WDR72: variants seen among roughly 807,000 people sequenced by gnomAD.
The protein encoded by WDR72 is WD repeat-containing protein 72.
Under a neutral mutation model 124.2 loss-of-function variants are expected in WDR72, and 120 were observed. That is an observed-to-expected ratio of 0.97 (90% confidence interval 0.83 to 1.12). The LOEUF (loss-of-function observed/expected upper bound fraction) is 1.12, where lower values mean the gene tolerates loss of function less well. Among genes scored for constraint, WDR72 ranks in the 50% most tolerant of loss-of-function variants. The probability of loss-of-function intolerance (pLI) is 0.00; values close to 1 mark genes in which losing one functional copy is unlikely to be tolerated. For missense variants in WDR72, 1,387 were observed against 1,278.8 expected (o/e 1.08, Z -1.29); for synonymous variants, 452 against 441.7 (o/e 1.02, Z -0.29).
chr15:53,561,261 T>C (rs868178372), intron 18 of WDR72, among the ~76,000 whole-genome samples: 1 of 151,672 alleles, frequency 6.6e-6, no homozygotes, highest in African/African-American at 2.4e-5. Context: ...TTCTCCTCTC[T>C]CTCCAAAAAT....
In WDR72 at chr15:53,702,318, T is replaced by G; in HGVS notation, c.1385A>C (p.Gln462Pro). ...PPHKVLKGHH[Q>P]SVTSLLYPHG... The stretch of plus-strand genomic sequence containing the variant: ...TGGATAGAGTAATGAAGTGACACTT[T>G]GGTGGTGGCCTTTAAGAACTTTATG... The change falls in exon 12 of 20, where the codon CAA becomes CCA. Residue 462 changes from glutamine (Q) to proline (P), a missense_variant. Coordinates refer to ENST00000360509, the MANE Select transcript of WDR72 (RefSeq NM_182758.4). The G allele has an allele frequency of 6.2e-7, 1 of 1,614,006 alleles. No homozygotes were observed. The highest frequency in any genetic ancestry group is 8.5e-7 in the Non-Finnish European group (1 of 1,179,912).
At chr15:53,698,217 T>C (rs540009586) in intron 13 of WDR72, among the ~76,000 whole-genome samples, 2 of 152,314 alleles carry the variant, frequency 1.3e-5, no homozygotes, top group South Asian at 2.1e-4. Context: ...AAAAGTTACA[T>C]AGCCTAAGGG....
At chr15:53,605,534 A>G (rs1311354920) in intron 17 of WDR72, among the ~76,000 whole-genome samples, 1 of 152,242 alleles carries the variant, frequency 6.6e-6, no homozygotes. Context: ...TAATTCAACT[A>G]ACTGCTTAAA....
chr15:53,564,180 T>G (rs1230902051), intron 18 of WDR72, among the ~76,000 whole-genome samples: 3 of 151,840 alleles, frequency 2.0e-5, no homozygotes, highest in Admixed American at 6.6e-5. Flanking sequence ...AAGAATTTAA[T>G]AAACAAGGGG....
At position 53,556,278 on chromosome 15, in the gene WDR72, C is replaced by G. The variant is rs115217045; in HGVS notation, c.3149-32956G>C. On this transcript the variant is annotated intron_variant, in intron 18 of 19. Coordinates refer to ENST00000360509, the MANE Select transcript of WDR72 (RefSeq NM_182758.4). ...ATTATAATGATGAAAACCATTTAAA[C>G]TTATCAGCATAAGAACAAATTGTTA... Among the ~76,000 whole-genome samples, 356 of 152,226 alleles carry G rather than the reference C, an allele frequency of 2.3e-3. 3 individuals carry two copies. Among genetic ancestry groups the G allele is most frequent in the African/African-American group, 8.3e-3 (345 of 41,562 alleles).
chr15:53,582,888 T>C (rs976885912), intron 18 of WDR72, among the ~76,000 whole-genome samples: 3 of 152,016 alleles, frequency 2.0e-5, no homozygotes. Flanking sequence ...GTAGAGATAG[T>C]TTAACTCATT....
chr15:53,749,269 T>C (rs2018717374), intron 1 of WDR72, among the ~76,000 whole-genome samples: 1 of 152,208 alleles, frequency 6.6e-6, no homozygotes. Flanking sequence ...TGTCTCCGTA[T>C]CACATTTTGG....
chr15:53,540,981 C>G (rs991968852), intron 18 of WDR72: 2 of 157,548 alleles, frequency 1.3e-5, no homozygotes, highest in African/African-American at 2.4e-5. Context: ...GCACCTGGCT[C>G]GGAGGGTCCT....
At chr15:53,615,321 C>G (rs1382912842) in intron 15 of WDR72, 105 bp downstream of exon 15, 15 of 879,042 alleles carry the variant, frequency 1.7e-5, no homozygotes, top group Non-Finnish European at 2.4e-5. Context: ...ACTTACCCCC[C>G]ACTGGAAAGA....
At chr15:53,619,651 A>C (rs1384056490) in intron 14 of WDR72, among the ~76,000 whole-genome samples, 1 of 151,930 alleles carries the variant, frequency 6.6e-6, no homozygotes, top group Admixed American at 6.6e-5. Flanking sequence ...ATCCCATCCG[A>C]CTTCCTATCA....
chr15:53,742,307 A>G (rs2018531434), intron 1 of WDR72, among the ~76,000 whole-genome samples: 1 of 152,238 alleles, frequency 6.6e-6, no homozygotes, highest in Non-Finnish European at 1.5e-5. Context: ...AAACCATTTT[A>G]TTAAAAACTC....
At chr15:53,745,817 G>C (rs978697173) in intron 1 of WDR72, among the ~76,000 whole-genome samples, 3 of 152,056 alleles carry the variant, frequency 2.0e-5, no homozygotes, top group Non-Finnish European at 4.4e-5. Flanking sequence ...TGAAGGCCCA[G>C]GGAAGTTGGT....
chr15:53,636,236 C>A (rs1484494375), intron 14 of WDR72, among the ~76,000 whole-genome samples: 1 of 152,118 alleles, frequency 6.6e-6, no homozygotes, highest in Non-Finnish European at 1.5e-5. Flanking sequence ...CAATCAAGAT[C>A]GAGTTCCAGA....
chr15:53,579,338 A>T (rs2011791152), intron 18 of WDR72, among the ~76,000 whole-genome samples: 1 of 152,100 alleles, frequency 6.6e-6, no homozygotes, highest in South Asian at 2.1e-4. Context: ...GAGTTGCTGG[A>T]ATAAAACGGA....
At position 53,656,866 on chromosome 15, in the gene WDR72, G is replaced by A. The variant is rs1402784809; in HGVS notation, c.1962+8706C>T. Among the ~76,000 whole-genome samples, 3 of 152,004 alleles carry A rather than the reference G, an allele frequency of 2.0e-5. No homozygotes were observed. The East Asian group carries it at 5.8e-4, about 29-fold the overall frequency. On this transcript the variant is annotated intron_variant, in intron 14 of 19. Coordinates refer to ENST00000360509, the MANE Select transcript of WDR72 (RefSeq NM_182758.4). ...ATCCAAATCCACTGGAGTGAATTTG[G>A]ACCCCAATAAATAATAACCTCTTTA...
intron 18 of WDR72, among the ~76,000 whole-genome samples, chr15:53,531,238 G>A (rs902363963): frequency 2.0e-5 from 3 of 151,980 alleles, no homozygotes; most frequent in African/African-American, 7.2e-5. Flanking sequence ...AAAACATATT[G>A]AGATTGAACG....
rs1891390725 is a variant in WDR72, at chr15:53,515,106, C to CGCACAA, written c.*2592_*2593insTTGTGC. The CGCACAA allele has an allele frequency of 7.5e-6, 1 of 134,094 alleles. No homozygotes were observed. The highest frequency in any genetic ancestry group is 2.6e-5 in the African/African-American group (1 of 38,428). The allele number at this position is 134,094 out of a possible 1,614,324, so 8.3% of individuals were successfully genotyped here. A position where few individuals can be genotyped will look rare whatever the true frequency, so the allele number is the denominator to read the frequency against. On this transcript the variant is annotated 3_prime_UTR_variant, in exon 20 of 20. Transcript: ENST00000360509. ...ATGTATACACACACACACACACACA[C>CGCACAA]AAATACATTCATAAATATCACCAAG...
intron 17 of WDR72, among the ~76,000 whole-genome samples, chr15:53,606,095 A>C (rs2013269301): frequency 6.6e-6 from 1 of 152,164 alleles, no homozygotes; most frequent in Non-Finnish European, 1.5e-5. Flanking sequence ...CACAGCCAGC[A>C]TTTCACATAC....
At chr15:53,649,309 G>C (rs912225863) in intron 14 of WDR72, among the ~76,000 whole-genome samples, 2 of 152,076 alleles carry the variant, frequency 1.3e-5, no homozygotes, top group African/African-American at 4.8e-5. Context: ...AAAAATATTT[G>C]ATAACTGATC....
Sources: allele counts gnomAD v4.1 joint callset (sites outside exome capture counted in the v4.1 genomes callset), GRCh38; gene constraint gnomAD v4.1.1; transcripts MANE v1.5; gene names NCBI Gene and HGNC (gene_info 2026-07-23, HGNC 2026-07-21).